The following SMYD3 variants were observed in gnomAD, a reference collection of about 807,000 sequenced individuals.
SMYD3 encodes SET and MYND domain containing 3, also known as histone-lysine N-methyltransferase SMYD3.
SMYD3 carries 36 observed loss-of-function variants against 57.7 expected under a neutral mutation model. That is an observed-to-expected ratio of 0.62 (90% confidence interval 0.48 to 0.82). SMYD3 has a LOEUF of 0.82. SMYD3 is among the 40% of genes least tolerant of loss of function. The pLI is 0.00. For missense variants in SMYD3, 515 were observed against 538.8 expected (o/e 0.96, Z 0.44); for synonymous variants, 211 against 195.0 (o/e 1.08, Z -0.68).
chr1:245,776,317 C>G (rs370213065), intron 10 of SMYD3, among the ~76,000 whole-genome samples: 2 of 151,864 alleles, frequency 1.3e-5, no homozygotes, highest in Non-Finnish European at 2.9e-5. Flanking sequence ...AGGGATTTAA[C>G]GATCTCAAAG....
intron 5 of SMYD3, among the ~76,000 whole-genome samples, chr1:246,233,367 C>T (rs2063452544): frequency 8.5e-6 from 1 of 118,016 alleles, no homozygotes; most frequent in Admixed American, 9.4e-5. Flanking sequence ...CTGTGATGAA[C>T]ATATACCACA....
intron 5 of SMYD3, among the ~76,000 whole-genome samples, chr1:246,255,975 T>TAGATAGAC (rs1558353985): frequency 7.4e-6 from 1 of 135,812 alleles, no homozygotes; most frequent in South Asian, 2.5e-4. Context: ...GATAGATAGA[T>TAGATAGAC]AGATAGATAG....
At chr1:246,439,028 CCT>C (rs1334613051) in intron 1 of SMYD3, among the ~76,000 whole-genome samples, 1 of 150,396 alleles carries the variant, frequency 6.6e-6, no homozygotes, top group Non-Finnish European at 1.5e-5. Flanking sequence ...TCTGGGGACC[CCT>C]GACTATGCTA....
At chr1:246,002,775 G>A (rs2059100355) in intron 5 of SMYD3, among the ~76,000 whole-genome samples, 1 of 151,734 alleles carries the variant, frequency 6.6e-6, no homozygotes, top group Admixed American at 6.6e-5. Flanking sequence ...TTAGAGACGG[G>A]GTCCTGCTCT....
chr1:245,790,150 T>G (rs2047207924), intron 10 of SMYD3, among the ~76,000 whole-genome samples: 1 of 151,782 alleles, frequency 6.6e-6, no homozygotes, highest in African/African-American at 2.4e-5. Flanking sequence ...CTCTAGAGAG[T>G]CAGGAAAAAC....
chr1:246,361,505 G>A lies in SMYD3; in HGVS notation c.165-6411C>T, dbSNP rs188111595. On this transcript the variant is annotated intron_variant, in intron 1 of 11. Transcript: ENST00000490107. The stretch of plus-strand genomic sequence containing the variant: ...AAAGATACCTGCATACACATTTATA[G>A]CAGCACAATTTGCAATTGCAAAAAT... Among the ~76,000 whole-genome samples the A allele has an allele frequency of 5.9e-3, 904 of 152,272 alleles. 6 individuals are homozygous for A. The highest frequency in any genetic ancestry group is 0.017 in the Middle Eastern group (5 of 294).
chr1:245,878,465 C>A (rs948730676), intron 8 of SMYD3, among the ~76,000 whole-genome samples: 1 of 152,084 alleles, frequency 6.6e-6, no homozygotes, highest in African/African-American at 2.4e-5. Flanking sequence ...GTCCCCATTT[C>A]CTCTAACAGG....
At chr1:245,966,458 G>A (rs1422317056) in intron 5 of SMYD3, among the ~76,000 whole-genome samples, 2 of 152,098 alleles carry the variant, frequency 1.3e-5, no homozygotes, top group African/African-American at 2.4e-5. Context: ...CGCACATCAC[G>A]ATGCCAGACC....
chr1:245,961,312 T>C (rs2058001309), intron 5 of SMYD3, among the ~76,000 whole-genome samples: 1 of 152,228 alleles, frequency 6.6e-6, no homozygotes, highest in Non-Finnish European at 1.5e-5. Flanking sequence ...GACATCAGTC[T>C]GCTAAGTGAA....
At chr1:246,252,693 A>G (rs955238965) in intron 5 of SMYD3, among the ~76,000 whole-genome samples, 1 of 152,230 alleles carries the variant, frequency 6.6e-6, no homozygotes, top group African/African-American at 2.4e-5. Flanking sequence ...GGACTGTTAT[A>G]TATGAGGCAG....
chr1:246,269,993 G>A (rs896094012), intron 5 of SMYD3, among the ~76,000 whole-genome samples: 1 of 152,164 alleles, frequency 6.6e-6, no homozygotes, highest in Non-Finnish European at 1.5e-5. Flanking sequence ...TGGTACTCAA[G>A]TTGGTTAATT....
chr1:245,750,450 A>T (rs2045291332), intron 11 of SMYD3, among the ~76,000 whole-genome samples: 1 of 152,226 alleles, frequency 6.6e-6, no homozygotes, highest in African/African-American at 2.4e-5. Flanking sequence ...CCAGACATGT[A>T]CATAAATAAA....
At chr1:246,352,091 G>C (rs111427663) in intron 2 of SMYD3, among the ~76,000 whole-genome samples, 22,358 of 137,232 alleles carry the variant, frequency 0.16, 2,002 homozygotes, top group East Asian at 0.35. Flanking sequence ...GAGCTGAGAC[G>C]GCACCACTGC....
At chr1:246,225,822 C>T (rs927309233) in intron 5 of SMYD3, among the ~76,000 whole-genome samples, 7 of 152,144 alleles carry the variant, frequency 4.6e-5, no homozygotes, top group Admixed American at 2.6e-4. Flanking sequence ...CTATATTCTT[C>T]ATTTTTAAAA....
At position 245,823,433 on chromosome 1, in the gene SMYD3, A is replaced by C. The variant is rs1345070227; in HGVS notation, c.1076+35063T>G. On this transcript the variant is annotated intron_variant, in intron 10 of 11. Transcript: ENST00000490107. ...CACCTTGGGAAGGCGATGAAATGAA[A>C]GAAGGGCACATCCTCCTTTAACCCC... Among the ~76,000 whole-genome samples, 5 of 152,322 alleles carry C rather than the reference A, an allele frequency of 3.3e-5. No individual in the cohort carries two copies. In the South Asian group the frequency reaches 6.2e-4, roughly 19 times the overall value.
At position 245,827,556 on chromosome 1, in the gene SMYD3, C is replaced by T. The variant is rs78389118; in HGVS notation, c.1076+30940G>A. 1.4e-4 allele frequency among the ~76,000 whole-genome samples: 21 copies of T among 152,306 alleles called. No individual in the cohort carries two copies. The East Asian group carries it at 3.1e-3, about 22-fold the overall frequency. Reference sequence around the variant, plus strand: ...CCTCCCACACGCACTCCCGGTATTTCGCTTCTCCTTTGCTCTGCTGGCTGA... The same window carrying T: ...CCTCCCACACGCACTCCCGGTATTTTGCTTCTCCTTTGCTCTGCTGGCTGA... On this transcript the variant is annotated intron_variant, in intron 10 of 11. Transcript: ENST00000490107.
intron 5 of SMYD3, among the ~76,000 whole-genome samples, chr1:246,129,562 C>T (rs1250382621): frequency 6.6e-6 from 1 of 152,204 alleles, no homozygotes; most frequent in Non-Finnish European, 1.5e-5. Context: ...TCTTCTGCTG[C>T]ATGTTCACTA....
chr1:245,828,635 A>C (rs2049644360), intron 10 of SMYD3, among the ~76,000 whole-genome samples: 1 of 152,090 alleles, frequency 6.6e-6, no homozygotes, highest in African/African-American at 2.4e-5. Context: ...GTAAGATGTA[A>C]ATCTTTGGAG....
intron 1 of SMYD3, among the ~76,000 whole-genome samples, chr1:246,420,399 C>T (rs370883166): frequency 8.5e-5 from 13 of 152,276 alleles, no homozygotes; most frequent in South Asian, 4.1e-4. Context: ...CTTCACAGCA[C>T]GCAATAAACA....
Sources: allele counts gnomAD v4.1 joint callset (sites outside exome capture counted in the v4.1 genomes callset), GRCh38; gene constraint gnomAD v4.1.1; transcripts MANE v1.5; gene names NCBI Gene and HGNC (gene_info 2026-07-23, HGNC 2026-07-21).